The following TARBP1 variants were observed in gnomAD, a reference collection of about 807,000 sequenced individuals.
TARBP1 encodes the protein tRNA guanosine 2 -O-methyltransferase TARBP1, also known as tRNA (guanosine(18)-2'-O)-methyltransferase TARBP1.
In TARBP1, 144 loss-of-function variants were observed where a neutral mutation model predicts 178.6. That is an observed-to-expected ratio of 0.81 (90% CI 0.70 to 0.93). The LOEUF is 0.93. Among genes scored for constraint, TARBP1 ranks in the 40% least tolerant of loss-of-function variants. TARBP1 has a pLI of 0.00. For synonymous variants in TARBP1, 787 were observed against 781.0 expected (o/e 1.01, Z -0.13); for missense variants, 2,067 against 2,011.7 (o/e 1.03, Z -0.53).
chr1:234,419,121 C>T (rs911508305), intron 21 of TARBP1, among the ~76,000 whole-genome samples: 9 of 151,356 alleles, frequency 5.9e-5, no homozygotes, highest in Admixed American at 1.3e-4. Flanking sequence ...TGCAGTGAGC[C>T]GAGATCGTGC....
chr1:234,404,694 T>C (rs1471256262), intron 24 of TARBP1, among the ~76,000 whole-genome samples: 1 of 152,218 alleles, frequency 6.6e-6, no homozygotes, highest in Non-Finnish European at 1.5e-5. Flanking sequence ...TACAGAACTG[T>C]GCACGATGTA....
intron 1 of TARBP1, among the ~76,000 whole-genome samples, chr1:234,477,658 A>C (rs1166828537): frequency 6.6e-6 from 1 of 152,262 alleles, no homozygotes; most frequent in Non-Finnish European, 1.5e-5. Flanking sequence ...CAAAAGGTCG[A>C]CTTAAGAAAC....
chr1:234,461,656 T>C (rs1677115380), intron 6 of TARBP1, among the ~76,000 whole-genome samples: 1 of 152,180 alleles, frequency 6.6e-6, no homozygotes, highest in African/African-American at 2.4e-5. Context: ...CTATTTGAGA[T>C]GTGAAGGAAA....
chr1:234,429,224 A>T lies in TARBP1; in HGVS notation c.2972T>A (p.Leu991Ter). 1 of 1,610,200 alleles carries T rather than the reference A, an allele frequency of 6.2e-7. No individual in the cohort carries two copies. The highest frequency in any genetic ancestry group is 2.2e-5 in the East Asian group (1 of 44,864). Residue 991 changes from leucine to a stop codon, truncating the protein, a stop_gained, in exon 17 of 30, where the codon TTA becomes TAA. Transcript: ENST00000040877. LOFTEE classifies it high-confidence loss of function. ...SNTQLIFWAN[L>*]KAFVQFVFDN... The stretch of plus-strand genomic sequence containing the variant: ...AAAAACAAACTGAACAAAAGCTTTT[A>T]AATTAGCCCAGAATATCAGCTGAGT...
In TARBP1 at chr1:234,420,734, T is replaced by A. The variant is rs760374544; in HGVS notation, c.3523A>T (p.Thr1175Ser). The A allele has an allele frequency of 6.2e-7, 1 of 1,612,212 alleles. No homozygotes were observed. Reference protein sequence around the residue: ...QHRVKNRVWQTLLVLFPRLDQ... With the variant: ...QHRVKNRVWQSLLVLFPRLDQ... ...AGTCTAGGGAAAAGTACCAGCAGAG[T>A]CTGCCACACTCGGTTTTTCACTCTG... Residue 1175 changes from threonine (T) to serine (S), a missense_variant, in exon 21 of 30, where the codon ACT becomes TCT. By Grantham distance (58) the Thr-to-Ser change is moderately conservative. Transcript: ENST00000040877.
chr1:234,443,463 AG>A (rs1358256853), intron 12 of TARBP1, among the ~76,000 whole-genome samples: 1 of 152,178 alleles, frequency 6.6e-6, no homozygotes, highest in African/African-American at 2.4e-5. Flanking sequence ...TATTTTTAAA[AG>A]CCCATTAACG....
At chr1:234,411,769 G>T (rs1661845737) in intron 22 of TARBP1, among the ~76,000 whole-genome samples, 1 of 152,086 alleles carries the variant, frequency 6.6e-6, no homozygotes, top group African/African-American at 2.4e-5. Flanking sequence ...ACTGGAATCT[G>T]AAACTATTAT....
intron 9 of TARBP1, among the ~76,000 whole-genome samples, chr1:234,455,763 GA>G (rs973142056): frequency 2.2e-4 from 33 of 150,058 alleles, no homozygotes; most frequent in Non-Finnish European, 3.7e-4. Context: ...TTTTAAAAAG[GA>G]ACTAAAAAAA....
At position 234,463,376 on chromosome 1, in the gene TARBP1, G is replaced by A. The variant is rs184521446; in HGVS notation, c.1399+461C>T. Among the ~76,000 whole-genome samples the A allele has an allele frequency of 1.2e-3, 178 of 152,190 alleles. 1 individual carries two copies. Among genetic ancestry groups the A allele is most frequent in the Admixed American group, 7.9e-3 (121 of 15,284 alleles). Reference sequence around the variant, plus strand: ...TGACCTCAGGTGATCTGTCTGCCTCGGCCTCCCAAAGTGCTGGGATTCCAG... The same window carrying A: ...TGACCTCAGGTGATCTGTCTGCCTCAGCCTCCCAAAGTGCTGGGATTCCAG... On this transcript the variant is annotated intron_variant, in intron 6 of 29. Transcript: ENST00000040877.
rs967407258 is a variant in TARBP1, at chr1:234,466,760, G to A, written c.1248+742C>T. On this transcript the variant is annotated intron_variant, in intron 4 of 29. Coordinates refer to ENST00000040877, the MANE Select transcript of TARBP1 (RefSeq NM_005646.4). ...CACCTGTAATCCCAGCTACTCAGGAGGCTGAGGCAGGGGGATCACTTGAAC... is the reference window on the plus strand; with the variant it reads ...CACCTGTAATCCCAGCTACTCAGGAAGCTGAGGCAGGGGGATCACTTGAAC... Among the ~76,000 whole-genome samples, 7 of 152,110 alleles carry A rather than the reference G, an allele frequency of 4.6e-5. No homozygotes were observed. The East Asian group carries it at 7.7e-4, about 17-fold the overall frequency.
At chr1:234,471,110 A>T in intron 3 of TARBP1, 78 bp downstream of exon 3, 1 of 1,090,214 alleles carries the variant, frequency 9.2e-7, no homozygotes, top group Non-Finnish European at 1.3e-6. Flanking sequence ...AAAATTCTCT[A>T]CAATGAACAG....
chr1:234,418,812 T>C (rs1325789842), intron 21 of TARBP1, among the ~76,000 whole-genome samples: 1 of 152,224 alleles, frequency 6.6e-6, no homozygotes, highest in East Asian at 1.9e-4. Flanking sequence ...ACTGTATTTC[T>C]ATCGGGGGAC....
chr1:234,475,136 CGAGA>C (rs1669458797), intron 1 of TARBP1, among the ~76,000 whole-genome samples: 1 of 152,210 alleles, frequency 6.6e-6, no homozygotes, highest in Non-Finnish European at 1.5e-5. Context: ...CCGGTGCTCT[CGAGA>C]GAGACTGTGG....
intron 9 of TARBP1, among the ~76,000 whole-genome samples, chr1:234,455,140 C>T (rs987918312): frequency 1.3e-5 from 2 of 152,068 alleles, no homozygotes; most frequent in Admixed American, 6.5e-5. Context: ...TAATTGCAGA[C>T]GAGTGAAACG....
chr1:234,396,580 G>A (rs1320572241), intron 26 of TARBP1, among the ~76,000 whole-genome samples: 1 of 152,044 alleles, frequency 6.6e-6, no homozygotes, highest in Non-Finnish European at 1.5e-5. Context: ...CAGGGACTCG[G>A]TCTCATGTCT....
chr1:234,479,123 C>G lies in TARBP1; in HGVS notation c.-20G>C. The G allele has an allele frequency of 6.6e-7, 1 of 1,514,266 alleles. No individual in the cohort carries two copies. Among genetic ancestry groups the G allele is most frequent in the East Asian group, 2.7e-5 (1 of 36,700 alleles). 93.8% of individuals were successfully genotyped at this position (1,514,266 alleles called of 1,614,324 possible). On this transcript the variant is annotated 5_prime_UTR_variant, in exon 1 of 30. Transcript: ENST00000040877. ...CTCCATTTGCCGAGCGCCCGCGCCA[C>G]CGGCCCGGGCTCCCAAAGGAAGGCG...
chr1:234,430,713 A>G (rs1664341372), intron 14 of TARBP1, among the ~76,000 whole-genome samples: 1 of 139,556 alleles, frequency 7.2e-6, no homozygotes, highest in South Asian at 2.3e-4. Flanking sequence ...CTGCTGAAAC[A>G]TGTTAAAAAA....
In TARBP1 at chr1:234,478,945, G is replaced by A. The variant is rs989711960; in HGVS notation, c.159C>T (p.Gly53=). ...GCGCCGCCTCCGGGAGCGCGCCTGC[G>A]CCCCCGCTGCCGCGCGCCTCCTCGT... ...LEDEEARGSG[G]AGALPEAARE... is the part of the protein sequence containing the mutation. The change falls in exon 1 of 30, where the codon GGC becomes GGT. Residue 53 remains glycine (G), a synonymous_variant. Coordinates refer to ENST00000040877, the MANE Select transcript of TARBP1 (RefSeq NM_005646.4). The A allele has an allele frequency of 1.4e-6, 2 of 1,450,652 alleles. No homozygotes were observed. Among genetic ancestry groups the A allele is most frequent in the South Asian group, 1.3e-5 (1 of 74,416 alleles). 89.9% of individuals were successfully genotyped at this position (1,450,652 alleles called of 1,614,324 possible).
chr1:234,412,059 G>C (rs867335460), intron 22 of TARBP1, among the ~76,000 whole-genome samples: 1 of 152,188 alleles, frequency 6.6e-6, no homozygotes. Flanking sequence ...ACTGTAAGCA[G>C]TACTATTTAT....
Sources: allele counts gnomAD v4.1 joint callset (sites outside exome capture counted in the v4.1 genomes callset), GRCh38; gene constraint gnomAD v4.1.1; transcripts MANE v1.5; gene names NCBI Gene and HGNC (gene_info 2026-07-23, HGNC 2026-07-21).